EBF2: variants seen among roughly 807,000 people sequenced by gnomAD.
EBF2 encodes the protein transcription factor COE2.
EBF2 carries 21 observed loss-of-function variants against 72.8 expected under a neutral mutation model. The ratio of observed to expected loss-of-function variants is 0.29; its 90% confidence interval spans 0.20 to 0.42. The LOEUF (loss-of-function observed/expected upper bound fraction) is 0.42, where lower values mean the gene tolerates loss of function less well. Ranked by LOEUF, EBF2 falls within the 10% of genes least tolerant of loss-of-function variation. The pLI, the probability that EBF2 is intolerant of heterozygous loss-of-function variation, is 1.00. For synonymous variants in EBF2, 299 were observed against 274.2 expected, an observed-to-expected ratio of 1.09 and a Z score of -0.89; for missense variants, 637 against 731.2, an observed-to-expected ratio of 0.87 and a Z score of 1.49.
intron 6 of EBF2, among the ~76,000 whole-genome samples, chr8:25,990,188 TACACACACAC>T (rs60406400): frequency 1.4e-4 from 20 of 146,268 alleles, no homozygotes; most frequent in African/African-American, 2.0e-4. Flanking sequence ...CTATGGGTTA[TACACACACAC>T]ACACACACAC....
intron 6 of EBF2, among the ~76,000 whole-genome samples, chr8:26,030,222 C>G (rs185496032): frequency 6.6e-6 from 1 of 152,306 alleles, no homozygotes; most frequent in Admixed American, 6.5e-5. Context: ...AGTGAGAGAA[C>G]TCTTATCTTA....
In EBF2 at chr8:26,003,041, A is replaced by C. The variant is rs551047014; in HGVS notation, c.551+30044T>G. Among the ~76,000 whole-genome samples the C allele has an allele frequency of 7.9e-5, 12 of 152,230 alleles. No homozygotes were observed. In the South Asian group the frequency reaches 2.5e-3, roughly 32 times the overall value. ...ATCCCTGTTCTCAGCCTCATTTTGC[A>C]GACAAGGATCCCAAGGAACACAGGA... is the stretch of plus-strand genomic sequence containing the variant. On this transcript the variant is annotated intron_variant, in intron 6 of 15. Transcript: ENST00000520164.
intron 6 of EBF2, among the ~76,000 whole-genome samples, chr8:25,969,224 G>C (rs1230506765): frequency 2.0e-5 from 3 of 152,170 alleles, no homozygotes; most frequent in Non-Finnish European, 4.4e-5. Flanking sequence ...CTCCATCAAT[G>C]AGAGTTAACA....
intron 5 of EBF2, among the ~76,000 whole-genome samples, chr8:26,038,234 C>A (rs945787633): frequency 6.9e-4 from 105 of 152,310 alleles, no homozygotes; most frequent in African/African-American, 2.5e-3. Context: ...TTTATTTACA[C>A]ATAATTAATA....
chr8:25,954,304 C>G (rs1448884367), intron 6 of EBF2, among the ~76,000 whole-genome samples: 1 of 152,166 alleles, frequency 6.6e-6, no homozygotes, highest in Non-Finnish European at 1.5e-5. Flanking sequence ...AGAGGGCTGC[C>G]CGTTGGTGGC....
At chr8:25,966,639 G>A (rs1274344052) in intron 6 of EBF2, among the ~76,000 whole-genome samples, 1 of 152,206 alleles carries the variant, frequency 6.6e-6, no homozygotes, top group Non-Finnish European at 1.5e-5. Flanking sequence ...AAATCCTAAT[G>A]AGACAATGCC....
intron 6 of EBF2, among the ~76,000 whole-genome samples, chr8:25,942,444 C>T (rs1248578618): frequency 2.6e-5 from 4 of 152,148 alleles, no homozygotes; most frequent in Non-Finnish European, 5.9e-5. Flanking sequence ...AGCATTCCAC[C>T]AGTACTTGGG....
At chr8:25,878,480 T>G (rs767458325) in intron 10 of EBF2, among the ~76,000 whole-genome samples, 1 of 152,144 alleles carries the variant, frequency 6.6e-6, no homozygotes, top group African/African-American at 2.4e-5. Context: ...AAGCCACTGA[T>G]AGTGGATGAA....
chr8:26,040,845 T>A lies in EBF2; in HGVS notation c.352+94A>T, dbSNP rs572823168. 4.1e-5 allele frequency: 64 copies of A among 1,566,168 alleles called. No individual in the cohort carries two copies. In the African/African-American group the frequency reaches 8.4e-4, roughly 20 times the overall value. ...AAGCCTCCCGCCGCCCTGGGCTCCA[T>A]GCGATCCCTGAGAGTGATCATGGCA... On this transcript the variant is annotated intron_variant, in intron 3 of 15. Coordinates refer to ENST00000520164, the MANE Select transcript of EBF2 (RefSeq NM_022659.4).
intron 13 of EBF2, among the ~76,000 whole-genome samples, chr8:25,858,826 A>G (rs1357331416): frequency 1.3e-5 from 2 of 151,670 alleles, no homozygotes; most frequent in Non-Finnish European, 2.9e-5. Context: ...GCGCCCGGCT[A>G]ATTTTTGTAC....
chr8:25,931,734 T>C (rs1307451630), intron 6 of EBF2, among the ~76,000 whole-genome samples: 1 of 152,192 alleles, frequency 6.6e-6, no homozygotes, highest in Non-Finnish European at 1.5e-5. Context: ...ACTATTTTGC[T>C]TGGGGGAAAT....
At chr8:25,972,870 CTTTT>C (rs35053241) in intron 6 of EBF2, among the ~76,000 whole-genome samples, 22 of 124,738 alleles carry the variant, frequency 1.8e-4, no homozygotes, top group South Asian at 8.0e-4. Context: ...TGCAGTTTGG[CTTTT>C]TTTTTTTTTT....
At chr8:26,039,167 C>A (rs753001576) in intron 5 of EBF2, among the ~76,000 whole-genome samples, 2 of 151,908 alleles carry the variant, frequency 1.3e-5, no homozygotes, top group African/African-American at 2.4e-5. Flanking sequence ...ACACGTTAGG[C>A]ACTCAATAAA....
At position 25,843,067 on chromosome 8, in the gene EBF2, T is replaced by C. The variant is rs1192607031; in HGVS notation, c.*1542A>G. The C allele has an allele frequency of 1.3e-5, 2 of 152,164 alleles. No homozygotes were observed. The highest frequency in any genetic ancestry group is 1.3e-4 in the Admixed American group (2 of 15,266). 9.4% of individuals were successfully genotyped at this position (152,164 alleles called of 1,614,324 possible). ...ATAAGCTTTCAAGAATCAACCACTG[T>C]TAGCAGCTAAGGCAAGGTTCTTCCC... is the stretch of plus-strand genomic sequence containing the variant. On this transcript the variant is annotated 3_prime_UTR_variant, in exon 16 of 16. Coordinates refer to ENST00000520164, the MANE Select transcript of EBF2 (RefSeq NM_022659.4).
At chr8:25,860,578 G>A (rs1802194950) in intron 13 of EBF2, among the ~76,000 whole-genome samples, 1 of 150,696 alleles carries the variant, frequency 6.6e-6, no homozygotes, top group South Asian at 2.1e-4. Context: ...CTCATTTGCA[G>A]TGTGCCAGCG....
intron 11 of EBF2, 35 bp downstream of exon 11, chr8:25,862,674 A>G (rs1369755967): frequency 6.6e-6 from 10 of 1,519,880 alleles, no homozygotes; most frequent in Non-Finnish European, 8.9e-6. Context: ...ATTCTACACA[A>G]ATGGCTTCAC....
chr8:25,880,559 C>T (rs529097369), intron 10 of EBF2, among the ~76,000 whole-genome samples: 1 of 152,244 alleles, frequency 6.6e-6, no homozygotes, highest in Non-Finnish European at 1.5e-5. Context: ...TTAATGTGTG[C>T]AAAGTGTTTG....
At chr8:25,859,030 A>G (rs1802158068) in intron 13 of EBF2, among the ~76,000 whole-genome samples, 1 of 151,978 alleles carries the variant, frequency 6.6e-6, no homozygotes, top group African/African-American at 2.4e-5. Flanking sequence ...ACTCCATTCA[A>G]ACCTGCACTC....
intron 5 of EBF2, among the ~76,000 whole-genome samples, chr8:26,038,916 C>T (rs1254836224): frequency 6.6e-6 from 1 of 152,176 alleles, no homozygotes; most frequent in Non-Finnish European, 1.5e-5. Flanking sequence ...CACACTAAAT[C>T]AGATAATCTG....
Sources: gnomAD v4.1 joint callset for allele counts (sites outside exome capture counted in the v4.1 genomes callset) on GRCh38, gnomAD v4.1.1 for gene constraint, MANE v1.5 for transcripts, NCBI Gene and HGNC (gene_info 2026-07-23, HGNC 2026-07-21) for gene names.